SIL1: variants seen among roughly 807,000 people sequenced by gnomAD.
SIL1 encodes the protein SIL1 nucleotide exchange factor, also known as nucleotide exchange factor SIL1.
A neutral mutation model predicts 49.1 loss-of-function variants in SIL1; 40 were observed. The ratio of observed to expected loss-of-function variants is 0.81; its 90% CI spans 0.63 to 1.06. SIL1 has a LOEUF of 1.06. Among genes scored for constraint, SIL1 ranks in the 50% least tolerant of loss-of-function variants. The pLI, the probability that SIL1 is intolerant of heterozygous loss-of-function variation, is 0.00. For synonymous variants in SIL1, 253 were observed against 250.8 expected (o/e 1.01, Z -0.08); for missense variants, 500 against 572.6 (o/e 0.87, Z 1.29).
At chr5:139,112,419 C>T (rs1010591142) in intron 3 of SIL1, among the ~76,000 whole-genome samples, 4 of 151,944 alleles carry the variant, frequency 2.6e-5, no homozygotes, top group Non-Finnish European at 5.9e-5. Context: ...TGCCCGGCTG[C>T]CCATCGTCTG....
At chr5:139,162,731 T>C (rs569479777) in intron 1 of SIL1, among the ~76,000 whole-genome samples, 8 of 152,328 alleles carry the variant, frequency 5.3e-5, no homozygotes, top group Admixed American at 5.2e-4. Context: ...TCATCTACTA[T>C]ATGCCAGGTA....
At chr5:139,037,956 C>T (rs993533764) in intron 5 of SIL1, among the ~76,000 whole-genome samples, 3 of 152,196 alleles carry the variant, frequency 2.0e-5, no homozygotes, top group Admixed American at 6.5e-5. Context: ...AATGAGTCGA[C>T]GTGGTTCCTG....
At chr5:139,057,331 AAAG>A in intron 3 of SIL1, among the ~76,000 whole-genome samples, 1 of 149,058 alleles carries the variant, frequency 6.7e-6, no homozygotes, top group Admixed American at 6.6e-5. Context: ...AAAAAAAAGA[AAAG>A]AAAAGAACAT....
intron 7 of SIL1, among the ~76,000 whole-genome samples, chr5:139,011,695 T>G (rs757558924): frequency 6.6e-6 from 1 of 152,116 alleles, no homozygotes; most frequent in Non-Finnish European, 1.5e-5. Flanking sequence ...AGTGCCTTAT[T>G]TTTTATGTGC....
At chr5:139,080,099 A>G (rs116194880) in intron 3 of SIL1, among the ~76,000 whole-genome samples, 1,791 of 152,324 alleles carry the variant, frequency 0.012, 35 homozygotes, top group African/African-American at 0.04. Context: ...GTACTTGGCA[A>G]TAGACCGTGA....
At chr5:139,124,727 AC>A (rs1750720755) in intron 2 of SIL1, among the ~76,000 whole-genome samples, 1 of 152,206 alleles carries the variant, frequency 6.6e-6, no homozygotes, top group Non-Finnish European at 1.5e-5. Flanking sequence ...TGTAATGATA[AC>A]AGCAGCTACC....
At chr5:138,953,692 C>G (rs1399624834) in intron 7 of SIL1, among the ~76,000 whole-genome samples, 2 of 124,484 alleles carry the variant, frequency 1.6e-5, no homozygotes, top group South Asian at 2.4e-4. Context: ...CCCCTGCCCC[C>G]CACGACTTGA....
intron 3 of SIL1, among the ~76,000 whole-genome samples, chr5:139,104,136 A>AG (rs1280730940): frequency 6.6e-6 from 1 of 152,198 alleles, no homozygotes; most frequent in African/African-American, 2.4e-5. Flanking sequence ...ATGCTGCAGG[A>AG]GCCAAGCAGC....
At chr5:139,111,884 T>TCTCCCTCTCTTTCCACGGTCTCCCA (rs1770849726) in intron 3 of SIL1, among the ~76,000 whole-genome samples, 11 of 151,928 alleles carry the variant, frequency 7.2e-5, no homozygotes. Context: ...ACGGTCTCCC[T>TCTCCCTCTCTTTCCACGGTCTCCCA]CTGATGCCGA....
chr5:139,015,946 G>C (rs913991306), intron 7 of SIL1, among the ~76,000 whole-genome samples: 1 of 152,168 alleles, frequency 6.6e-6, no homozygotes, highest in Non-Finnish European at 1.5e-5. Flanking sequence ...GGGGAGGCCA[G>C]GCACAGTGAT....
intron 4 of SIL1, among the ~76,000 whole-genome samples, chr5:139,050,497 TACTG>T (rs1403193019): frequency 5.3e-5 from 8 of 152,228 alleles, no homozygotes; most frequent in Non-Finnish European, 1.2e-4. Context: ...CCTGTTTTAA[TACTG>T]ACTAATGAGA....
At chr5:139,160,213 G>A (rs1226237222) in intron 1 of SIL1, among the ~76,000 whole-genome samples, 1 of 151,346 alleles carries the variant, frequency 6.6e-6, no homozygotes, top group African/African-American at 2.4e-5. Flanking sequence ...AGGAGTAGAA[G>A]AGATGGAGCC....
At chr5:139,109,903 G>A (rs1423419631) in intron 3 of SIL1, among the ~76,000 whole-genome samples, 1 of 151,374 alleles carries the variant, frequency 6.6e-6, no homozygotes, top group African/African-American at 2.4e-5. Context: ...AGGCACGGAG[G>A]CTCACGTCTA....
intron 5 of SIL1, among the ~76,000 whole-genome samples, chr5:139,027,524 T>G (rs1768686018): frequency 6.6e-6 from 1 of 152,232 alleles, no homozygotes; most frequent in Non-Finnish European, 1.5e-5. Flanking sequence ...CTGTCATTAC[T>G]GTCAATCTAA....
chr5:138,965,740 C>G (rs913994799), intron 7 of SIL1, among the ~76,000 whole-genome samples: 2 of 148,374 alleles, frequency 1.3e-5, no homozygotes, highest in Non-Finnish European at 3.0e-5. Flanking sequence ...TTAGCAAAGA[C>G]CAAGGGCTCT....
intron 3 of SIL1, among the ~76,000 whole-genome samples, chr5:139,085,560 A>G (rs1429388651): frequency 6.6e-6 from 1 of 152,194 alleles, no homozygotes; most frequent in African/African-American, 2.4e-5. Flanking sequence ...GGGACAGAGC[A>G]ATGCAAGTGA....
chr5:139,162,539 T>C (rs1751533312), intron 1 of SIL1, among the ~76,000 whole-genome samples: 2 of 152,188 alleles, frequency 1.3e-5, no homozygotes, highest in Admixed American at 1.3e-4. Flanking sequence ...CACAGACTGT[T>C]CCAATTAATG....
chr5:139,173,970 G>GAAA (rs796255530), intron 1 of SIL1, among the ~76,000 whole-genome samples: 2 of 74,940 alleles, frequency 2.7e-5, no homozygotes, highest in African/African-American at 4.9e-5. Flanking sequence ...AAAAATAAAA[G>GAAA]AAAAAAAAAA....
At chr5:139,188,249 G>A (rs1208124698) in intron 1 of SIL1, among the ~76,000 whole-genome samples, 1 of 152,170 alleles carries the variant, frequency 6.6e-6, no homozygotes, top group Non-Finnish European at 1.5e-5. Flanking sequence ...CAAGAAATAA[G>A]AGGGCGCTTC....
Sources: allele counts gnomAD v4.1 joint callset (sites outside exome capture counted in the v4.1 genomes callset), GRCh38; gene constraint gnomAD v4.1.1; transcripts MANE v1.5; gene names NCBI Gene and HGNC (gene_info 2026-07-23, HGNC 2026-07-21).